Variants in C12orf42 observed in about 807,000 individuals in gnomAD.
C12orf42 encodes uncharacterized protein C12orf42.
Under a neutral mutation model 21.6 loss-of-function variants are expected in C12orf42, and 25 were observed. The observed-to-expected ratio is 1.16, with a 90% CI of 0.84 to 1.62. C12orf42 has a LOEUF of 1.62. C12orf42 is among the 40% of genes most tolerant of loss of function. C12orf42 has a pLI of 0.00. For synonymous variants in C12orf42, 174 were observed against 175.0 expected (o/e 0.99, Z 0.05); for missense variants, 483 against 459.3 (o/e 1.05, Z -0.47).
chr12:103,186,601 T>C, the C12orf42 span, among the ~76,000 whole-genome samples: 1 of 152,184 alleles, frequency 6.6e-6, no homozygotes, highest in African/African-American at 2.4e-5. Context: ...TTGATTGTTT[T>C]TTTAATTGGC....
At chr12:103,257,768 G>A (rs796319421) in intron 10 of C12orf42, among the ~76,000 whole-genome samples, 7 of 151,342 alleles carry the variant, frequency 4.6e-5, no homozygotes, top group African/African-American at 1.7e-4. Flanking sequence ...AGTCCCTGAA[G>A]AAAAAAACAA....
At chr12:103,517,283 T>C in the C12orf42 span, among the ~76,000 whole-genome samples, 2 of 152,266 alleles carry the variant, frequency 1.3e-5, no homozygotes, top group African/African-American at 4.8e-5. Flanking sequence ...CTACTGACGC[T>C]AGTCAAACGA....
intron 2 of C12orf42, among the ~76,000 whole-genome samples, chr12:103,469,290 A>G (rs986952955): frequency 1.3e-5 from 2 of 152,248 alleles, no homozygotes; most frequent in Admixed American, 1.3e-4. Context: ...AATGATGTGT[A>G]AAAACATACA....
In C12orf42 at chr12:103,495,420, G is replaced by A. The variant is rs551841926; in HGVS notation, c.-22+482C>T. ...AACCGCTCCGCCCGGCCCCTCCCCCGCTCCCTCCCCCACCCCTCCCCCTTC... is the reference window on the plus strand; with the variant it reads ...AACCGCTCCGCCCGGCCCCTCCCCCACTCCCTCCCCCACCCCTCCCCCTTC... On this transcript the variant is annotated intron_variant, in intron 1 of 5. Transcript: ENST00000548883. Among the ~76,000 whole-genome samples, 502 of 143,190 alleles carry A rather than the reference G, an allele frequency of 3.5e-3. 4 individuals carry two copies. Among genetic ancestry groups the A allele is most frequent in the African/African-American group, 0.012 (471 of 39,978 alleles). 93.9% of individuals were successfully genotyped at this position (143,190 alleles called of 152,430 possible).
At chr12:103,414,291 AAC>A (rs1478247116) in intron 2 of C12orf42, among the ~76,000 whole-genome samples, 1 of 151,792 alleles carries the variant, frequency 6.6e-6, no homozygotes, top group African/African-American at 2.4e-5. Context: ...TTCTTCTGAG[AAC>A]TGTCTATTTA....
intron 3 of C12orf42, among the ~76,000 whole-genome samples, chr12:103,395,101 C>T (rs916188555): frequency 6.6e-6 from 1 of 152,194 alleles, no homozygotes. Context: ...CTAGGCCATG[C>T]CCTCATGGAT....
chr12:103,190,302 C>T, the C12orf42 span, among the ~76,000 whole-genome samples: 5 of 152,184 alleles, frequency 3.3e-5, no homozygotes, highest in Non-Finnish European at 5.9e-5. Flanking sequence ...CTTCTTCTGC[C>T]TGCTTTGTTC....
intron 1 of C12orf42, among the ~76,000 whole-genome samples, chr12:103,481,474 A>G (rs1312422702): frequency 6.6e-6 from 1 of 151,996 alleles, no homozygotes; most frequent in African/African-American, 2.4e-5. Context: ...TTAAAAGTAA[A>G]GGGAAGGACA....
rs761905924 is a variant in C12orf42, at chr12:103,261,117, T to G, written c.*1366+2209A>C. On this transcript the variant is annotated intron_variant and NMD_transcript_variant, in intron 10 of 10. Coordinates refer to the C12orf42 transcript ENST00000547347. Reference sequence around the variant, plus strand: ...ACAAACTTTGGGTCTCTTTATGAGATTAAACACCCTAAGAGCAATTGGTAT... The same window carrying G: ...ACAAACTTTGGGTCTCTTTATGAGAGTAAACACCCTAAGAGCAATTGGTAT... Among the ~76,000 whole-genome samples, 19 of 152,242 alleles carry G rather than the reference T, an allele frequency of 1.2e-4. No homozygotes were observed. The Middle Eastern group carries it at 0.01, about 82-fold the overall frequency.
chr12:103,456,754 A>ATTT (rs1952324079), intron 2 of C12orf42, among the ~76,000 whole-genome samples: 1 of 152,112 alleles, frequency 6.6e-6, no homozygotes. Flanking sequence ...TAGAAACTGC[A>ATTT]TTGTGGTTTT....
intron 5 of C12orf42, among the ~76,000 whole-genome samples, chr12:103,271,267 C>T (rs915350302): frequency 1.3e-5 from 2 of 152,172 alleles, no homozygotes; most frequent in African/African-American, 4.8e-5. Context: ...AGCAGCTTAA[C>T]CGCAACAGCC....
At chr12:103,101,330 G>A in the C12orf42 span, among the ~76,000 whole-genome samples, 2 of 152,162 alleles carry the variant, frequency 1.3e-5, no homozygotes, top group African/African-American at 4.8e-5. Flanking sequence ...AATGATTCAA[G>A]CTGCATTAAC....
At chr12:103,407,011 T>C (rs1053937235) in intron 2 of C12orf42, among the ~76,000 whole-genome samples, 3 of 152,212 alleles carry the variant, frequency 2.0e-5, no homozygotes, top group African/African-American at 7.2e-5. Context: ...CAAAGAATTA[T>C]TGACAGCCAA....
chr12:103,241,807 G>A (rs768703568), intron 10 of C12orf42, among the ~76,000 whole-genome samples: 13 of 152,074 alleles, frequency 8.5e-5, no homozygotes, highest in Non-Finnish European at 1.6e-4. Context: ...TAAAACAAAC[G>A]GGATCAAAAG....
chr12:103,305,786 T>G (rs2038236117), intron 5 of C12orf42, among the ~76,000 whole-genome samples, 188 bp downstream of exon 5: 1 of 152,168 alleles, frequency 6.6e-6, no homozygotes, highest in African/African-American at 2.4e-5. Flanking sequence ...CTCACACCTG[T>G]TCTCTCCTCC....
intron 3 of C12orf42, among the ~76,000 whole-genome samples, chr12:103,376,196 C>A (rs2045676706): frequency 1.3e-5 from 2 of 152,120 alleles, no homozygotes; most frequent in African/African-American, 4.8e-5. Context: ...GAAAATGTGG[C>A]ACATATATAC....
chr12:103,285,443 A>G (rs180788258), intron 4 of C12orf42, among the ~76,000 whole-genome samples: 1 of 152,350 alleles, frequency 6.6e-6, no homozygotes, highest in African/African-American at 2.4e-5. Flanking sequence ...ACTGGAATAT[A>G]CCTCTTTCTA....
intron 4 of C12orf42, among the ~76,000 whole-genome samples, chr12:103,307,470 A>G (rs2038481170): frequency 6.6e-6 from 1 of 152,192 alleles, no homozygotes; most frequent in South Asian, 2.1e-4. Context: ...CAAACCATTC[A>G]TATCTACATT....
At chr12:103,273,019 CTG>C (rs2035559448) in intron 5 of C12orf42, among the ~76,000 whole-genome samples, 1 of 152,192 alleles carries the variant, frequency 6.6e-6, no homozygotes, top group Admixed American at 6.6e-5. Flanking sequence ...TTTATGCTAC[CTG>C]TGTGTTCCCT....
Sources: gnomAD v4.1 joint callset for allele counts (sites outside exome capture counted in the v4.1 genomes callset) on GRCh38, gnomAD v4.1.1 for gene constraint, MANE v1.5 for transcripts, NCBI Gene and HGNC (gene_info 2026-07-23, HGNC 2026-07-21) for gene names.